Variants in TRPC4AP observed in about 807,000 individuals in gnomAD.
The protein encoded by TRPC4AP is transient receptor potential cation channel subfamily C member 4 associated protein.
Under a neutral mutation model 99.0 loss-of-function variants are expected in TRPC4AP, and 45 were observed. That is an observed-to-expected ratio of 0.45 (90% confidence interval 0.36 to 0.58). The LOEUF is 0.58. Among genes scored for constraint, TRPC4AP ranks in the 20% least tolerant of loss-of-function variants. The pLI is 0.00. For synonymous variants in TRPC4AP, 408 were observed against 385.8 expected (o/e 1.06, Z -0.67); for missense variants, 879 against 985.3 (o/e 0.89, Z 1.44).
intron 11 of TRPC4AP, among the ~76,000 whole-genome samples, chr20:35,012,122 C>T (rs921034298): frequency 1.3e-5 from 2 of 152,208 alleles, no homozygotes; most frequent in African/African-American, 2.4e-5. Flanking sequence ...ATATGTGGTG[C>T]CATTTTTCAG....
At chr20:35,055,175 C>T (rs963818561) in intron 4 of TRPC4AP, 144 bp from the exon 5 acceptor site, 8 of 683,978 alleles carry the variant, frequency 1.2e-5, no homozygotes, top group South Asian at 2.2e-5. Context: ...CAGCCCCTGT[C>T]TACCAAAGGT....
intron 7 of TRPC4AP, among the ~76,000 whole-genome samples, chr20:35,038,713 C>T (rs2083380666): frequency 6.6e-6 from 1 of 152,142 alleles, no homozygotes. Flanking sequence ...GGGAGGGGAA[C>T]AAACTCTCTG....
At chr20:35,076,940 T>C (rs1455261218) in intron 2 of TRPC4AP, among the ~76,000 whole-genome samples, 2 of 152,190 alleles carry the variant, frequency 1.3e-5, no homozygotes, top group Non-Finnish European at 2.9e-5. Context: ...CCGCTTTGTT[T>C]ACCTACGCAA....
intron 1 of TRPC4AP, among the ~76,000 whole-genome samples, chr20:35,078,437 C>T (rs1387043141): frequency 2.6e-5 from 4 of 151,966 alleles, no homozygotes; most frequent in Non-Finnish European, 4.4e-5. Flanking sequence ...TTAGACTCGT[C>T]GTAAATATAT....
chr20:35,075,129 C>G (rs1304816053), intron 2 of TRPC4AP, among the ~76,000 whole-genome samples: 1 of 151,960 alleles, frequency 6.6e-6, no homozygotes, highest in Admixed American at 6.6e-5. Context: ...TTCCTCCATC[C>G]CTTTATTTTG....
chr20:35,050,485 T>C (rs1436580090), intron 5 of TRPC4AP, among the ~76,000 whole-genome samples: 1 of 151,984 alleles, frequency 6.6e-6, no homozygotes, highest in Non-Finnish European at 1.5e-5. Flanking sequence ...GAGGCCAAGG[T>C]GGGCAGATCA....
intron 3 of TRPC4AP, among the ~76,000 whole-genome samples, chr20:35,063,684 C>T (rs990585606): frequency 2.6e-5 from 4 of 151,908 alleles, no homozygotes; most frequent in African/African-American, 9.7e-5. Flanking sequence ...AAAGCAAGAC[C>T]CCCATATCTC....
chr20:35,036,400 A>T (rs954284029), intron 7 of TRPC4AP, among the ~76,000 whole-genome samples: 4 of 152,220 alleles, frequency 2.6e-5, no homozygotes, highest in Non-Finnish European at 5.9e-5. Context: ...TTTTCAATAA[A>T]TACCTTTTTG....
At chr20:35,051,469 G>A (rs1177280038) in intron 5 of TRPC4AP, among the ~76,000 whole-genome samples, 1 of 151,958 alleles carries the variant, frequency 6.6e-6, no homozygotes, top group East Asian at 1.9e-4. Context: ...CACCGCACCT[G>A]GCAAATTTAA....
chr20:35,032,762 G>T (rs928112008), intron 8 of TRPC4AP, among the ~76,000 whole-genome samples: 3 of 152,114 alleles, frequency 2.0e-5, no homozygotes, highest in Non-Finnish European at 2.9e-5. Flanking sequence ...GTGAGCCAAC[G>T]CGCCCAGCCC....
chr20:35,010,718 TG>T (rs765943433), intron 11 of TRPC4AP, among the ~76,000 whole-genome samples: 3 of 152,170 alleles, frequency 2.0e-5, no homozygotes, highest in Non-Finnish European at 4.4e-5. Flanking sequence ...TCCCCCGACT[TG>T]CCATCCAGGC....
chr20:35,080,083 GAATA>G (rs1272935582), intron 1 of TRPC4AP, among the ~76,000 whole-genome samples: 1 of 148,998 alleles, frequency 6.7e-6, no homozygotes, highest in Non-Finnish European at 1.5e-5. Context: ...ATCAACTGAT[GAATA>G]AATAAAATAT....
intron 1 of TRPC4AP, among the ~76,000 whole-genome samples, chr20:35,091,424 T>C (rs2085063477): frequency 6.6e-6 from 1 of 152,188 alleles, no homozygotes; most frequent in Non-Finnish European, 1.5e-5. Flanking sequence ...TCTATCCTTT[T>C]CGTCATTTGA....
chr20:35,025,926 T>A (rs2083018787), intron 8 of TRPC4AP, among the ~76,000 whole-genome samples: 1 of 152,176 alleles, frequency 6.6e-6, no homozygotes, highest in African/African-American at 2.4e-5. Context: ...TACATTTAGG[T>A]CTTTGACCCT....
At chr20:35,033,362 G>A (rs905547716) in intron 8 of TRPC4AP, among the ~76,000 whole-genome samples, 1 of 152,122 alleles carries the variant, frequency 6.6e-6, no homozygotes, top group African/African-American at 2.4e-5. Context: ...GTGCCTCAGA[G>A]AGTGCAACCT....
chr20:35,067,924 G>T (rs2084187473), intron 3 of TRPC4AP, among the ~76,000 whole-genome samples: 1 of 152,156 alleles, frequency 6.6e-6, no homozygotes, highest in African/African-American at 2.4e-5. Flanking sequence ...ATGCTCTAAA[G>T]TTGACTGTGG....
At chr20:35,059,319 C>T (rs1325723633) in intron 3 of TRPC4AP, among the ~76,000 whole-genome samples, 3 of 152,094 alleles carry the variant, frequency 2.0e-5, no homozygotes, top group African/African-American at 7.2e-5. Context: ...ATGACCTAGA[C>T]GAAATGGACA....
At chr20:35,031,167 T>G (rs2083182026) in intron 8 of TRPC4AP, among the ~76,000 whole-genome samples, 1 of 152,168 alleles carries the variant, frequency 6.6e-6, no homozygotes, top group Non-Finnish European at 1.5e-5. Flanking sequence ...CTAATCTTAT[T>G]GGAATATCCT....
chr20:35,087,210 G>T (rs187106885), intron 1 of TRPC4AP, among the ~76,000 whole-genome samples: 6,644 of 148,998 alleles, frequency 0.045, 519 homozygotes, highest in African/African-American at 0.15. Flanking sequence ...GTGGTGGCGG[G>T]CACCTGTAGT....
Sources: gnomAD v4.1 joint callset for allele counts (sites outside exome capture counted in the v4.1 genomes callset) on GRCh38, gnomAD v4.1.1 for gene constraint, MANE v1.5 for transcripts, NCBI Gene and HGNC (gene_info 2026-07-23, HGNC 2026-07-21) for gene names.